The following STK38L variants were observed in gnomAD, a reference collection of about 807,000 sequenced individuals.
STK38L encodes the protein serine/threonine-protein kinase 38-like.
In STK38L, 28 loss-of-function variants were observed where a neutral mutation model predicts 59.7. That is an observed-to-expected ratio of 0.47 (90% CI 0.35 to 0.64). STK38L has a LOEUF of 0.64. Ranked by LOEUF, STK38L falls within the 30% of genes least tolerant of loss-of-function variation. The probability of loss-of-function intolerance (pLI) is 0.01; values close to 1 mark genes in which losing one functional copy is unlikely to be tolerated. For missense variants in STK38L, 314 were observed against 555.8 expected (o/e 0.56, Z 4.37); for synonymous variants, 162 against 176.8 (o/e 0.92, Z 0.66).
At chr12:27,272,001 CT>C (rs1466974736) in intron 1 of STK38L, among the ~76,000 whole-genome samples, 1 of 152,154 alleles carries the variant, frequency 6.6e-6, no homozygotes, top group Admixed American at 6.6e-5. Context: ...TACTCATTAG[CT>C]TTAGGTTAAA....
intron 1 of STK38L, among the ~76,000 whole-genome samples, chr12:27,265,695 G>T (rs1237030660): frequency 6.6e-6 from 1 of 152,024 alleles, no homozygotes; most frequent in Non-Finnish European, 1.5e-5. Context: ...CTCTTATTTG[G>T]CTGCATGTGT....
intron 9 of STK38L, among the ~76,000 whole-genome samples, chr12:27,316,521 T>G (rs1944587999): frequency 6.6e-6 from 1 of 152,102 alleles, no homozygotes; most frequent in South Asian, 2.1e-4. Flanking sequence ...GAGGACTCAG[T>G]GTTTGGGGCA....
intron 1 of STK38L, among the ~76,000 whole-genome samples, chr12:27,264,884 T>C (rs987687308): frequency 9.9e-5 from 15 of 152,198 alleles, no homozygotes; most frequent in African/African-American, 2.9e-4. Flanking sequence ...AGAAAACAGC[T>C]AGACAAGACT....
intron 1 of STK38L, among the ~76,000 whole-genome samples, chr12:27,289,175 TA>T (rs1172857487): frequency 3.9e-5 from 6 of 152,224 alleles, no homozygotes; most frequent in Non-Finnish European, 5.9e-5. Context: ...AATTAAATTT[TA>T]TAAATATTTT....
rs59180266 is a variant in STK38L at position 27,263,022 on chromosome 12, C to T, written c.-12+18690C>T. 3.4e-4 allele frequency among the ~76,000 whole-genome samples: 51 copies of T among 152,080 alleles called. 1 individual carries two copies. In the East Asian group the frequency reaches 9.5e-3, roughly 28 times the overall value. On this transcript the variant is annotated intron_variant, in intron 1 of 13. Transcript: ENST00000389032. ...CCACATTGGCCAGGCTAGTCTTGAC[C>T]TCAGGTGACCCACCCACCTGGGCCT... is the stretch of plus-strand genomic sequence containing the variant.
chr12:27,307,680 ATG>A (rs1944350626), intron 3 of STK38L, among the ~76,000 whole-genome samples: 1 of 152,240 alleles, frequency 6.6e-6, no homozygotes, highest in Non-Finnish European at 1.5e-5. Flanking sequence ...CCTGTTCCAA[ATG>A]TAACCTGCAG....
At chr12:27,277,650 A>G (rs756231023) in intron 1 of STK38L, among the ~76,000 whole-genome samples, 5 of 152,178 alleles carry the variant, frequency 3.3e-5, no homozygotes, top group Non-Finnish European at 7.3e-5. Context: ...TTAAATAACC[A>G]TGGAGTTTGC....
rs778536508 is a variant in STK38L at position 27,308,497 on chromosome 12, T to G, written c.309+36T>G. On this transcript the variant is annotated intron_variant, in intron 4 of 13. Coordinates refer to ENST00000389032, the MANE Select transcript of STK38L (RefSeq NM_015000.4). The surrounding 1 kb of genome is among the most constrained non-coding windows in gnomAD (Gnocchi z 4.5). ...TTTTAAAAGTCACTACTGCTGCAAA[T>G]ATATATCTTAAGATAATTTAAAATA... 6.6e-7 allele frequency: 1 copy of G among 1,514,006 alleles called. No individual in the cohort carries two copies. The highest frequency in any genetic ancestry group is 8.8e-7 in the Non-Finnish European group (1 of 1,131,232). The allele number at this position is 1,514,006 out of a possible 1,614,324, so 93.8% of individuals were successfully genotyped here. A position where few individuals can be genotyped will look rare whatever the true frequency, so the allele number is the denominator to read the frequency against.
At chr12:27,257,129 G>T (rs1943106985) in intron 1 of STK38L, among the ~76,000 whole-genome samples, 1 of 152,214 alleles carries the variant, frequency 6.6e-6, no homozygotes, top group African/African-American at 2.4e-5. Flanking sequence ...AAGAATGCCA[G>T]TTAGTGAATT....
intron 1 of STK38L, among the ~76,000 whole-genome samples, chr12:27,294,876 A>C (rs1171960873): frequency 6.8e-6 from 1 of 147,780 alleles, no homozygotes; most frequent in African/African-American, 2.5e-5. Context: ...ACACCTAGCT[A>C]AGTAAAAAAA....
At chr12:27,307,698 TCACAGTATTG>T (rs1303868806) in intron 3 of STK38L, among the ~76,000 whole-genome samples, 28 of 152,364 alleles carry the variant, frequency 1.8e-4, no homozygotes, top group Non-Finnish European at 3.7e-4. Flanking sequence ...TGCAGGTATT[TCACAGTATTG>T]CTTATTAATG....
chr12:27,250,527 A>G (rs1423824967), intron 1 of STK38L, among the ~76,000 whole-genome samples: 2 of 152,192 alleles, frequency 1.3e-5, no homozygotes, highest in African/African-American at 2.4e-5. Context: ...GCCAGTAACC[A>G]CTTATCCCTT....
intron 1 of STK38L, among the ~76,000 whole-genome samples, chr12:27,253,523 G>C (rs191791368): frequency 1.8e-4 from 28 of 152,316 alleles, no homozygotes; most frequent in Admixed American, 1.2e-3. Flanking sequence ...GATATGGAAA[G>C]GGAAAGACAT....
intron 1 of STK38L, among the ~76,000 whole-genome samples, chr12:27,246,654 G>A (rs1338754703): frequency 6.6e-6 from 1 of 152,138 alleles, no homozygotes; most frequent in Non-Finnish European, 1.5e-5. Flanking sequence ...TCTTTGGTTA[G>A]TTTATAAACA....
At chr12:27,320,182 G>A (rs1049616506) in intron 12 of STK38L, among the ~76,000 whole-genome samples, 1 of 152,144 alleles carries the variant, frequency 6.6e-6, no homozygotes, top group South Asian at 2.1e-4. Flanking sequence ...TGGCTCCTTT[G>A]CATCTTCCAA....
chr12:27,272,174 ATAAT>A (rs781174523), intron 1 of STK38L, among the ~76,000 whole-genome samples: 1 of 152,262 alleles, frequency 6.6e-6, no homozygotes, highest in East Asian at 1.9e-4. Flanking sequence ...GTAAATATAA[ATAAT>A]ACAACGAATT....
intron 12 of STK38L, 114 bp downstream of exon 12, chr12:27,319,537 A>T: frequency 1.5e-6 from 1 of 663,746 alleles, no homozygotes; most frequent in Non-Finnish European, 2.6e-6. Context: ...ATATAATGTC[A>T]TTAAGTGCAG....
chr12:27,301,234 G>A (rs556526882), intron 2 of STK38L, among the ~76,000 whole-genome samples: 2 of 152,270 alleles, frequency 1.3e-5, no homozygotes, highest in East Asian at 1.9e-4. Context: ...AAAAGCAAAT[G>A]TTCTGGTAGC....
intron 1 of STK38L, among the ~76,000 whole-genome samples, chr12:27,290,494 T>C (rs1320274311): frequency 6.6e-6 from 1 of 152,234 alleles, no homozygotes; most frequent in African/African-American, 2.4e-5. Flanking sequence ...AACTAGCTTT[T>C]CTTATACTTT....
Sources: allele counts gnomAD v4.1 joint callset (sites outside exome capture counted in the v4.1 genomes callset), GRCh38; gene constraint gnomAD v4.1.1; non-coding constraint Gnocchi (gnomAD v3.1); transcripts MANE v1.5; gene names NCBI Gene and HGNC (gene_info 2026-07-23, HGNC 2026-07-21).